HS3ST2: variants seen among roughly 807,000 people sequenced by gnomAD.
The protein encoded by HS3ST2 is heparan sulfate-glucosamine 3-sulfotransferase 2.
In HS3ST2, 17 loss-of-function variants were observed where a neutral mutation model predicts 26.3. The ratio of observed to expected loss-of-function variants is 0.65; its 90% CI spans 0.44 to 0.97. The LOEUF (loss-of-function observed/expected upper bound fraction) is 0.97, where lower values mean the gene tolerates loss of function less well. Ranked by LOEUF, HS3ST2 falls within the 50% of genes least tolerant of loss-of-function variation. The pLI is 0.00. For missense variants in HS3ST2, 402 were observed against 501.2 expected (o/e 0.80, Z 1.89); for synonymous variants, 237 against 219.2 (o/e 1.08, Z -0.72).
chr16:22,823,281 A>G (rs752918777), intron 1 of HS3ST2, among the ~76,000 whole-genome samples: 3 of 152,236 alleles, frequency 2.0e-5, no homozygotes, highest in African/African-American at 4.8e-5. Flanking sequence ...ACTAGGGGAC[A>G]CTACTAAGAG....
At chr16:22,833,977 TTA>T (rs1901213242) in intron 1 of HS3ST2, among the ~76,000 whole-genome samples, 1 of 151,968 alleles carries the variant, frequency 6.6e-6, no homozygotes, top group Non-Finnish European at 1.5e-5. Flanking sequence ...AAAAAACATA[TTA>T]TCTTTTGTAT....
intron 1 of HS3ST2, among the ~76,000 whole-genome samples, chr16:22,835,386 A>G (rs1178989937): frequency 6.6e-6 from 1 of 152,056 alleles, no homozygotes; most frequent in Non-Finnish European, 1.5e-5. Flanking sequence ...AACGACTCCA[A>G]ACCTCCCTAT....
intron 1 of HS3ST2, among the ~76,000 whole-genome samples, chr16:22,913,123 A>AAGGAAGGAAGG (rs1902443963): frequency 1.1e-5 from 1 of 94,118 alleles, no homozygotes; most frequent in Non-Finnish European, 2.1e-5. Context: ...GAGAAGAAAG[A>AAGGAAGGAAGG]AAGGAAGGAA....
intron 1 of HS3ST2, among the ~76,000 whole-genome samples, chr16:22,905,460 A>C (rs1307689235): frequency 6.6e-6 from 1 of 151,256 alleles, no homozygotes; most frequent in African/African-American, 2.4e-5. Flanking sequence ...AAGGGGCTGC[A>C]GGAAGTCTGT....
rs530669726 is a variant in HS3ST2, at chr16:22,835,378, C to T, written c.485+20283C>T. On this transcript the variant is annotated intron_variant, in intron 1 of 1. Transcript: ENST00000261374. ...ACTTGGCAAAGAGTAACTTAGAGAA[C>T]GACTCCAAACCTCCCTATTCCCCAA... is the stretch of plus-strand genomic sequence containing the variant. Among the ~76,000 whole-genome samples the T allele has an allele frequency of 8.5e-5, 13 of 152,160 alleles. No individual in the cohort carries two copies. In the East Asian group the frequency reaches 1.5e-3, roughly 18 times the overall value.
chr16:22,867,534 A>T (rs1901774248), intron 1 of HS3ST2, among the ~76,000 whole-genome samples: 1 of 152,374 alleles, frequency 6.6e-6, no homozygotes, highest in Admixed American at 6.5e-5. Context: ...GAGATAAACA[A>T]CCTAACAAGT....
At chr16:22,871,084 G>A (rs1232809506) in intron 1 of HS3ST2, among the ~76,000 whole-genome samples, 2 of 152,148 alleles carry the variant, frequency 1.3e-5, no homozygotes, top group African/African-American at 4.8e-5. Flanking sequence ...TGGGCCGGGC[G>A]CAGTGGCTCA....
At chr16:22,883,214 G>A (rs1015822807) in intron 1 of HS3ST2, among the ~76,000 whole-genome samples, 4 of 152,194 alleles carry the variant, frequency 2.6e-5, no homozygotes, top group African/African-American at 9.7e-5. Context: ...GAAAATGATT[G>A]TAAAGAAGCT....
At chr16:22,836,616 A>G (rs1281074350) in intron 1 of HS3ST2, among the ~76,000 whole-genome samples, 2 of 151,246 alleles carry the variant, frequency 1.3e-5, no homozygotes, top group Non-Finnish European at 2.9e-5. Flanking sequence ...TTTTTTTTCA[A>G]TTAGTGCTTT....
At chr16:22,905,542 A>C (rs1902341234) in intron 1 of HS3ST2, among the ~76,000 whole-genome samples, 1 of 152,088 alleles carries the variant, frequency 6.6e-6, no homozygotes, top group Non-Finnish European at 1.5e-5. Flanking sequence ...TCACCAGTAC[A>C]AACAATATGA....
At chr16:22,901,152 G>A (rs938571367) in intron 1 of HS3ST2, among the ~76,000 whole-genome samples, 2 of 152,182 alleles carry the variant, frequency 1.3e-5, no homozygotes, top group African/African-American at 2.4e-5. Flanking sequence ...CACATTGCAG[G>A]TGAAGAAACT....
chr16:22,877,099 AC>A (rs1478785986), intron 1 of HS3ST2, among the ~76,000 whole-genome samples: 2 of 152,172 alleles, frequency 1.3e-5, no homozygotes, highest in Non-Finnish European at 2.9e-5. Context: ...ATGCAACCAA[AC>A]ACCAGCCGTT....
At chr16:22,836,003 A>G (rs1334499195) in intron 1 of HS3ST2, among the ~76,000 whole-genome samples, 1 of 152,146 alleles carries the variant, frequency 6.6e-6, no homozygotes, top group Non-Finnish European at 1.5e-5. Flanking sequence ...AAAAAAATCC[A>G]AGACTTATTC....
chr16:22,830,006 A>T (rs907938974), intron 1 of HS3ST2, among the ~76,000 whole-genome samples: 12 of 152,224 alleles, frequency 7.9e-5, no homozygotes, highest in African/African-American at 2.9e-4. Context: ...ATCTCAAGCC[A>T]AGATGACCCA....
chr16:22,903,226 T>C (rs969564690), intron 1 of HS3ST2, among the ~76,000 whole-genome samples: 1 of 152,240 alleles, frequency 6.6e-6, no homozygotes, highest in Non-Finnish European at 1.5e-5. Context: ...GCTGATTTAC[T>C]TTAGTTCTCT....
rs1301994703 is a variant in HS3ST2, at chr16:22,915,700, C to CA, written c.*139dup. Reference sequence around the variant, plus strand: ...AACTTGAGTTGCATCATCTTGGAACCAGGAAGCCCAGCTAAAGCCAAGAGA... The same window carrying CA: ...AACTTGAGTTGCATCATCTTGGAACCAAGGAAGCCCAGCTAAAGCCAAGAGA... On this transcript the variant is annotated 3_prime_UTR_variant, in exon 2 of 2. Coordinates refer to ENST00000261374, the MANE Select transcript of HS3ST2 (RefSeq NM_006043.2). 2 of 919,600 alleles carry CA rather than the reference C, an allele frequency of 2.2e-6. No homozygotes were observed. Among genetic ancestry groups the CA allele is most frequent in the African/African-American group, 3.4e-5 (2 of 59,644 alleles). The allele number at this position is 919,600 out of a possible 1,614,324, so 57.0% of individuals were successfully genotyped here. A position where few individuals can be genotyped will look rare whatever the true frequency, so the allele number is the denominator to read the frequency against.
In HS3ST2 at chr16:22,814,205, C is replaced by T. The variant is rs545621373; in HGVS notation, c.-406C>T. ...AGATCGCGGCCGGCGCCAGCGCCAC[C>T]GTCCGGTCCACCCGCCAGCCCGCAC... On this transcript the variant is annotated 5_prime_UTR_variant, in exon 1 of 2. Transcript: ENST00000261374. The T allele has an allele frequency of 6.8e-5, 12 of 175,826 alleles. No individual in the cohort carries two copies. The South Asian group carries it at 7.8e-4, about 11-fold the overall frequency. The allele number at this position is 175,826 out of a possible 1,614,324, so 10.9% of individuals were successfully genotyped here.
intron 1 of HS3ST2, among the ~76,000 whole-genome samples, chr16:22,850,999 G>C (rs751789203): frequency 3.9e-5 from 6 of 152,156 alleles, no homozygotes; most frequent in Non-Finnish European, 8.8e-5. Context: ...CTTTCAACCA[G>C]AGTGACTACC....
At chr16:22,906,367 C>CTAAATAAATAAATAAATAAATAAATAAA (rs55897973) in intron 1 of HS3ST2, among the ~76,000 whole-genome samples, 8 of 144,134 alleles carry the variant, frequency 5.6e-5, no homozygotes, top group Admixed American at 2.1e-4. Flanking sequence ...GAGACTCCAT[C>CTAAATAAATAAATAAATAAATAAATAAA]TAAATAAATA....
Sources: gnomAD v4.1 joint callset for allele counts (sites outside exome capture counted in the v4.1 genomes callset) on GRCh38, gnomAD v4.1.1 for gene constraint, MANE v1.5 for transcripts, NCBI Gene and HGNC (gene_info 2026-07-23, HGNC 2026-07-21) for gene names.